The following SCARA5 variants were observed in gnomAD, a reference collection of about 807,000 sequenced individuals.
SCARA5 encodes the protein scavenger receptor class A member 5.
SCARA5 carries 45 observed loss-of-function variants against 46.3 expected under a neutral mutation model. That is an observed-to-expected ratio of 0.97 (90% CI 0.76 to 1.24). The LOEUF is 1.24. Ranked by LOEUF, SCARA5 falls within the 50% of genes most tolerant of loss-of-function variation. The pLI is 0.00. For synonymous variants in SCARA5, 333 were observed against 306.5 expected (o/e 1.09, Z -0.90); for missense variants, 680 against 689.0 (o/e 0.99, Z 0.15).
intron 7 of SCARA5, among the ~76,000 whole-genome samples, chr8:27,888,892 G>A (rs1327906665): frequency 6.6e-6 from 1 of 152,180 alleles, no homozygotes; most frequent in African/African-American, 2.4e-5. Flanking sequence ...GCTCCTGGCT[G>A]GGTAGCCTCC....
chr8:27,982,691 A>G (rs1309765856), intron 2 of SCARA5, among the ~76,000 whole-genome samples: 1 of 152,002 alleles, frequency 6.6e-6, no homozygotes, highest in African/African-American at 2.4e-5. Flanking sequence ...GCATGCAGAG[A>G]AGGGAGGCTC....
rs367695701 is a variant in SCARA5 at position 27,966,397 on chromosome 8, A to G, written c.241+17T>C. 543 of 1,587,130 alleles carry G rather than the reference A, an allele frequency of 3.4e-4. No individual in the cohort carries two copies. The highest frequency in any genetic ancestry group is 4.4e-4 in the Non-Finnish European group (510 of 1,170,740). On this transcript the variant is annotated intron_variant, in intron 3 of 8. Coordinates refer to ENST00000354914, the MANE Select transcript of SCARA5 (RefSeq NM_173833.6). Reference sequence around the variant, plus strand: ...TCCTCATCCCAAAAGACCAGGACAAAAATGGCCTGCTCTTACCTGCTAAGA... The same window carrying G: ...TCCTCATCCCAAAAGACCAGGACAAGAATGGCCTGCTCTTACCTGCTAAGA...
chr8:27,970,740 GGGGCTTGCTCCT>G (rs1808435902), intron 2 of SCARA5, among the ~76,000 whole-genome samples: 2 of 152,122 alleles, frequency 1.3e-5, no homozygotes, highest in Non-Finnish European at 2.9e-5. Context: ...CTCCAATTTT[GGGGCTTGCTCCT>G]CCTGCATCAC....
At chr8:27,981,530 C>A (rs543080214) in intron 2 of SCARA5, among the ~76,000 whole-genome samples, 1 of 152,362 alleles carries the variant, frequency 6.6e-6, no homozygotes, top group African/African-American at 2.4e-5. Context: ...CCTGCCGGGG[C>A]TCCCCCGTGA....
At position 27,870,386 on chromosome 8, in the gene SCARA5, A is replaced by T. The variant is rs1301180446; in HGVS notation, c.*1548T>A. On this transcript the variant is annotated 3_prime_UTR_variant, in exon 9 of 9. Transcript: ENST00000354914. ...TTGGTCAGAAAGAGAGTTTCTCATC[A>T]TTAGGACATTTAAGGAGTGGCAAGC... is the stretch of plus-strand genomic sequence containing the variant. The T allele has an allele frequency of 6.6e-6, 1 of 152,546 alleles. No individual in the cohort carries two copies. Among genetic ancestry groups the T allele is most frequent in the East Asian group, 1.9e-4 (1 of 5,182 alleles). 9.4% of individuals were successfully genotyped at this position (152,546 alleles called of 1,614,324 possible).
chr8:27,941,829 T>TTATTATTAG (rs1807950897), intron 3 of SCARA5, among the ~76,000 whole-genome samples: 1 of 148,008 alleles, frequency 6.8e-6, no homozygotes, highest in Non-Finnish European at 1.5e-5. Flanking sequence ...ATTATTATTA[T>TTATTATTAG]TATTATTATT....
intron 4 of SCARA5, among the ~76,000 whole-genome samples, chr8:27,914,476 C>T (rs1807429392): frequency 6.6e-6 from 1 of 152,220 alleles, no homozygotes; most frequent in Non-Finnish European, 1.5e-5. Flanking sequence ...GCACTATCCC[C>T]CACCTCGAAC....
intron 3 of SCARA5, among the ~76,000 whole-genome samples, chr8:27,945,531 TG>T (rs1808022260): frequency 6.6e-6 from 1 of 152,178 alleles, no homozygotes; most frequent in South Asian, 2.1e-4. Flanking sequence ...ACAACAAACA[TG>T]TCATCCGGGA....
At chr8:27,905,346 C>G (rs1418230027) in intron 6 of SCARA5, among the ~76,000 whole-genome samples, 1 of 152,062 alleles carries the variant, frequency 6.6e-6, no homozygotes, top group East Asian at 1.9e-4. Flanking sequence ...TGGCATCTCC[C>G]TCTACAAAGA....
chr8:27,870,210 T>C lies in SCARA5; in HGVS notation c.*1724A>G, dbSNP rs1007718740. ...TTTGTTCAATGTGGCATCTTTCACC[T>C]TTAGTTTTTTTTTTTTTTTTTTTTT... On this transcript the variant is annotated 3_prime_UTR_variant, in exon 9 of 9. Transcript: ENST00000354914. 1 of 112,484 alleles carries C rather than the reference T, an allele frequency of 8.9e-6. No homozygotes were observed. The highest frequency in any genetic ancestry group is 1.3e-4 in the Admixed American group (1 of 7,880). 7.0% of individuals were successfully genotyped at this position (112,484 alleles called of 1,614,324 possible).
At chr8:27,976,147 G>T (rs1808521003) in intron 2 of SCARA5, among the ~76,000 whole-genome samples, 1 of 152,140 alleles carries the variant, frequency 6.6e-6, no homozygotes, top group Non-Finnish European at 1.5e-5. Context: ...GAGGAAGCTG[G>T]GGGAGGGGAG....
intron 3 of SCARA5, among the ~76,000 whole-genome samples, chr8:27,935,111 C>T (rs1394125492): frequency 6.6e-6 from 1 of 152,218 alleles, no homozygotes; most frequent in Admixed American, 6.5e-5. Flanking sequence ...CTCCCTGAAC[C>T]TCCAGAAGCA....
At chr8:27,892,939 C>T (rs1254692264) in intron 7 of SCARA5, among the ~76,000 whole-genome samples, 3 of 152,120 alleles carry the variant, frequency 2.0e-5, no homozygotes, top group African/African-American at 2.4e-5. Flanking sequence ...ATCATGGTGG[C>T]GGCTGGGAGC....
intron 5 of SCARA5, among the ~76,000 whole-genome samples, chr8:27,908,239 G>A (rs984253747): frequency 6.6e-6 from 1 of 152,226 alleles, no homozygotes; most frequent in African/African-American, 2.4e-5. Flanking sequence ...CACACAGGGA[G>A]GTATAGCAAA....
chr8:27,935,011 C>G (rs1807832594), intron 3 of SCARA5, among the ~76,000 whole-genome samples: 1 of 152,188 alleles, frequency 6.6e-6, no homozygotes, highest in Admixed American at 6.5e-5. Flanking sequence ...TGATCAAGTA[C>G]CACCTCTTAA....
intron 7 of SCARA5, among the ~76,000 whole-genome samples, chr8:27,892,253 G>A (rs904527228): frequency 1.3e-5 from 2 of 152,222 alleles, no homozygotes; most frequent in Admixed American, 6.5e-5. Flanking sequence ...CTTGGATTCC[G>A]AGTGACCTTC....
chr8:27,941,947 C>A (rs1361141052), intron 3 of SCARA5, among the ~76,000 whole-genome samples: 1 of 151,894 alleles, frequency 6.6e-6, no homozygotes, highest in Non-Finnish European at 1.5e-5. Context: ...CTGCCTCAGC[C>A]TCCTGAGTAG....
intron 2 of SCARA5, among the ~76,000 whole-genome samples, chr8:27,971,178 C>A (rs569288943): frequency 3.3e-5 from 5 of 152,164 alleles, no homozygotes; most frequent in Non-Finnish European, 7.3e-5. Flanking sequence ...GAGGGGAAGA[C>A]GATGCATAAA....
In SCARA5 at chr8:27,987,512, C is replaced by T. The variant is rs781382573; in HGVS notation, c.104G>A (p.Cys35Tyr). Residue 35 changes from cysteine to tyrosine, a missense_variant, in exon 2 of 9, where the codon TGT becomes TAT. Cys to Tyr is a radical substitution (Grantham distance 194). Around this residue, in one of 3 missense-constraint regions of SCARA5, gnomAD observed 438 missense variants for 384.5 expected, o/e 1.14. Coordinates refer to ENST00000354914, the MANE Select transcript of SCARA5 (RefSeq NM_173833.6). ...GAGCCAGCTGCACTCACCATCCTCA[C>T]ACAGGTTCAGCTTGGACAGGCTCCT... ...DGRSLSKLNL[C>Y]EDGPCHKRRA... The T allele has an allele frequency of 8.1e-6, 13 of 1,612,408 alleles. No homozygotes were observed. The highest frequency in any genetic ancestry group is 2.2e-5 in the South Asian group (2 of 91,046).
Sources: allele counts gnomAD v4.1 joint callset (sites outside exome capture counted in the v4.1 genomes callset), GRCh38; gene constraint gnomAD v4.1.1; regional missense constraint gnomAD v4.1.1; transcripts MANE v1.5; gene names NCBI Gene and HGNC (gene_info 2026-07-23, HGNC 2026-07-21).